The following CADPS2 variants were observed in gnomAD, a reference collection of about 807,000 sequenced individuals.
CADPS2 encodes calcium-dependent secretion activator 2.
CADPS2 carries 93 observed loss-of-function variants against 172.5 expected under a neutral mutation model. The ratio of observed to expected loss-of-function variants is 0.54; its 90% CI spans 0.46 to 0.64. CADPS2 has a LOEUF of 0.64. Ranked by LOEUF, CADPS2 falls within the 30% of genes least tolerant of loss-of-function variation. The pLI is 0.00. For synonymous variants in CADPS2, 546 were observed against 555.2 expected, an observed-to-expected ratio of 0.98 and a Z score of 0.23; for missense variants, 1,420 against 1,565.9, an observed-to-expected ratio of 0.91 and a Z score of 1.57.
intron 8 of CADPS2, among the ~76,000 whole-genome samples, chr7:122,533,224 C>G (rs913614209): frequency 2.6e-5 from 4 of 151,852 alleles, no homozygotes; most frequent in Admixed American, 6.6e-5. Flanking sequence ...CCAATAATAT[C>G]TTTATTAATA....
intron 3 of CADPS2, among the ~76,000 whole-genome samples, chr7:122,630,902 T>C (rs182266760): frequency 5.9e-5 from 9 of 152,274 alleles, no homozygotes; most frequent in Admixed American, 5.2e-4. Flanking sequence ...CCTTGTTATA[T>C]AGGAGTTTCT....
At chr7:122,881,817 T>G (rs1823007073) in intron 1 of CADPS2, among the ~76,000 whole-genome samples, 1 of 152,206 alleles carries the variant, frequency 6.6e-6, no homozygotes. Flanking sequence ...TTTAGGGGAA[T>G]AAGGTGAGTT....
chr7:122,413,987 A>G, intron 19 of CADPS2, 81 bp downstream of exon 19: 1 of 1,225,260 alleles, frequency 8.2e-7, no homozygotes, highest in Non-Finnish European at 1.2e-6. Context: ...AAAATGGACT[A>G]CAATCAGAGT....
intron 1 of CADPS2, among the ~76,000 whole-genome samples, chr7:122,750,219 A>G (rs1323436927): frequency 6.6e-6 from 1 of 152,164 alleles, no homozygotes; most frequent in East Asian, 1.9e-4. Flanking sequence ...GGGGTGCCAA[A>G]TTAAATACAG....
intron 14 of CADPS2, among the ~76,000 whole-genome samples, chr7:122,461,693 C>G (rs1391960389): frequency 6.6e-6 from 1 of 152,108 alleles, no homozygotes; most frequent in East Asian, 1.9e-4. Flanking sequence ...CTCTCAGGTT[C>G]CAGTGATTCT....
At chr7:122,477,555 A>G (rs1185457721) in intron 12 of CADPS2, among the ~76,000 whole-genome samples, 1 of 151,756 alleles carries the variant, frequency 6.6e-6, no homozygotes, top group Non-Finnish European at 1.5e-5. Context: ...AAAAAAAAAA[A>G]ACAAAAAACA....
chr7:122,809,560 A>G (rs1160783080), intron 1 of CADPS2, among the ~76,000 whole-genome samples: 2 of 150,262 alleles, frequency 1.3e-5, no homozygotes, highest in African/African-American at 4.9e-5. Flanking sequence ...AGCCTGGGCA[A>G]TAGAGAGAGA....
intron 9 of CADPS2, among the ~76,000 whole-genome samples, chr7:122,503,330 G>A (rs899238051): frequency 2.0e-5 from 3 of 151,972 alleles, no homozygotes; most frequent in Non-Finnish European, 2.9e-5. Flanking sequence ...CACTGTGCAC[G>A]GCCAATACAA....
intron 1 of CADPS2, among the ~76,000 whole-genome samples, chr7:122,834,893 C>G (rs1359642675): frequency 6.6e-6 from 1 of 152,218 alleles, no homozygotes; most frequent in Non-Finnish European, 1.5e-5. Flanking sequence ...GCAGAAACCT[C>G]TGCACATTTA....
intron 1 of CADPS2, among the ~76,000 whole-genome samples, chr7:122,743,613 C>T (rs931688839): frequency 1.3e-5 from 2 of 152,128 alleles, no homozygotes; most frequent in African/African-American, 4.8e-5. Context: ...GCATTTACCT[C>T]ATGTCAAAGA....
At chr7:122,611,650 C>G (rs1587825242) in intron 6 of CADPS2, among the ~76,000 whole-genome samples, 1 of 151,902 alleles carries the variant, frequency 6.6e-6, no homozygotes, top group African/African-American at 2.4e-5. Context: ...CTACCAAATG[C>G]TTTTAAAAAA....
intron 6 of CADPS2, among the ~76,000 whole-genome samples, chr7:122,594,780 C>A (rs2071483372): frequency 6.6e-6 from 1 of 151,572 alleles, no homozygotes; most frequent in Non-Finnish European, 1.5e-5. Flanking sequence ...TCTTGGCTTA[C>A]AATTTTACTT....
In CADPS2 at chr7:122,425,946, T is replaced by C. The variant is rs141329777; in HGVS notation, c.2477-9782A>G. 5.8e-3 allele frequency: 882 copies of C among 152,280 alleles called. 6 individuals are homozygous for C. Among genetic ancestry groups the C allele is most frequent in the Non-Finnish European group, 9.7e-3 (661 of 68,030 alleles). 9.4% of individuals were successfully genotyped at this position (152,280 alleles called of 1,614,324 possible). ...CTGCCTGACCCTTGCTTTAACTCTT[T>C]TTTCCATACTCAAGGAGAATGTTTG... On this transcript the variant is annotated intron_variant, in intron 17 of 29. Transcript: ENST00000449022.
At chr7:122,784,064 CT>C (rs1793446090) in intron 1 of CADPS2, among the ~76,000 whole-genome samples, 1 of 152,052 alleles carries the variant, frequency 6.6e-6, no homozygotes, top group African/African-American at 2.4e-5. Flanking sequence ...CTATTTAATT[CT>C]TCTTAAAATT....
intron 7 of CADPS2, among the ~76,000 whole-genome samples, chr7:122,573,009 T>C (rs2067477792): frequency 6.6e-6 from 1 of 152,134 alleles, no homozygotes; most frequent in African/African-American, 2.4e-5. Context: ...AACTGCCCAA[T>C]GTCTACGAAA....
At position 122,645,439 on chromosome 7, in the gene CADPS2, AT is replaced by A. The variant is rs1316411484; in HGVS notation, c.787-16112del. On this transcript the variant is annotated intron_variant, in intron 3 of 29. Coordinates refer to ENST00000449022, the MANE Select transcript of CADPS2 (RefSeq NM_017954.11). ...CATGTATATGTGTGTATATATGTATATATACACACACATATGTATATATGTG... is the reference window on the plus strand; with the variant it reads ...CATGTATATGTGTGTATATATGTATAATACACACACATATGTATATATGTG... 7.0e-5 allele frequency among the ~76,000 whole-genome samples: 7 copies of A among 100,304 alleles called. 1 individual carries two copies. Among genetic ancestry groups the A allele is most frequent in the Non-Finnish European group, 9.0e-5 (4 of 44,586 alleles). 65.8% of individuals were successfully genotyped at this position (100,304 alleles called of 152,430 possible). A position where few individuals can be genotyped will look rare whatever the true frequency, so the allele number is the denominator to read the frequency against.
intron 7 of CADPS2, among the ~76,000 whole-genome samples, chr7:122,570,992 C>T (rs1248371834): frequency 6.6e-6 from 1 of 151,820 alleles, no homozygotes; most frequent in Non-Finnish European, 1.5e-5. Flanking sequence ...ATGTAACTAA[C>T]CTGCACATTG....
intron 25 of CADPS2, among the ~76,000 whole-genome samples, chr7:122,376,318 G>A (rs569270715): frequency 2.0e-5 from 3 of 152,230 alleles, no homozygotes; most frequent in Middle Eastern, 3.4e-3. Context: ...AGACTTGGAA[G>A]CAACTTTAAT....
intron 9 of CADPS2, among the ~76,000 whole-genome samples, chr7:122,512,076 G>A (rs1377034287): frequency 1.3e-5 from 2 of 152,008 alleles, no homozygotes; most frequent in Non-Finnish European, 2.9e-5. Context: ...CATGTAAGAA[G>A]AGGTTACTTT....
Sources: allele counts gnomAD v4.1 joint callset (sites outside exome capture counted in the v4.1 genomes callset), GRCh38; gene constraint gnomAD v4.1.1; transcripts MANE v1.5; gene names NCBI Gene and HGNC (gene_info 2026-07-23, HGNC 2026-07-21).